PPP2R3A: variants seen among roughly 807,000 people sequenced by gnomAD.
PPP2R3A encodes protein phosphatase 2 regulatory subunit B''alpha, also known as serine/threonine-protein phosphatase 2A regulatory subunit B'' subunit alpha.
PPP2R3A carries 80 observed loss-of-function variants against 106.9 expected under a neutral mutation model. That is an observed-to-expected ratio of 0.75 (90% CI 0.62 to 0.90). The LOEUF is 0.90. Among genes scored for constraint, PPP2R3A ranks in the 40% least tolerant of loss-of-function variants. The pLI is 0.00. For missense variants in PPP2R3A, 1,386 were observed against 1,350.4 expected, an observed-to-expected ratio of 1.03 and a Z score of -0.41; for synonymous variants, 483 against 468.3, an observed-to-expected ratio of 1.03 and a Z score of -0.41.
chr3:135,991,443 T>C (rs1215101651), intron 1 of PPP2R3A, among the ~76,000 whole-genome samples: 1 of 152,140 alleles, frequency 6.6e-6, no homozygotes, highest in African/African-American at 2.4e-5. Flanking sequence ...TTTTGGAGTA[T>C]ATAATAAAGA....
At chr3:136,041,190 T>G (rs564083764) in intron 4 of PPP2R3A, among the ~76,000 whole-genome samples, 66 of 152,134 alleles carry the variant, frequency 4.3e-4, no homozygotes, top group Non-Finnish European at 2.4e-4. Context: ...GCAGAAATCT[T>G]TCTTTAAAAA....
chr3:136,088,095 AAAAT>A (rs1390339650), intron 9 of PPP2R3A, among the ~76,000 whole-genome samples, 164 bp downstream of exon 9: 3 of 152,224 alleles, frequency 2.0e-5, no homozygotes, highest in Admixed American at 6.5e-5. Context: ...CTTTTTTAAA[AAAAT>A]AATTTCAACT....
At chr3:136,126,073 C>G (rs563503253) in intron 13 of PPP2R3A, among the ~76,000 whole-genome samples, 1 of 152,286 alleles carries the variant, frequency 6.6e-6, no homozygotes, top group East Asian at 1.9e-4. Context: ...CCAGCATGAT[C>G]GATGCAGAAG....
At position 136,090,649 on chromosome 3, in the gene PPP2R3A, A is replaced by T. The variant is rs1937073352; in HGVS notation, c.2909A>T (p.Asp970Val). ...DFVWFLISEE[D>V]KRNPTSIEYW... ...GTTTGGTTTTTGATCTCTGAAGAAG[A>T]CAAAAGGAATCCTACCAGGTATGAT... The change falls in exon 10 of 14, where the codon GAC becomes GTC. Residue 970 changes from aspartate (D) to valine (V), a missense_variant. Transcript: ENST00000264977. The T allele has an allele frequency of 1.2e-6, 2 of 1,612,710 alleles. No individual in the cohort carries two copies. The highest frequency in any genetic ancestry group is 1.7e-5 in the Admixed American group (1 of 59,966).
intron 2 of PPP2R3A, among the ~76,000 whole-genome samples, chr3:136,011,970 A>G (rs1211017508): frequency 7.0e-6 from 1 of 143,346 alleles, no homozygotes; most frequent in Non-Finnish European, 1.5e-5. Flanking sequence ...TTACTGAGAA[A>G]TCATACACAC....
chr3:136,039,682 G>A (rs902751917), intron 3 of PPP2R3A, among the ~76,000 whole-genome samples: 1 of 152,152 alleles, frequency 6.6e-6, no homozygotes, highest in African/African-American at 2.4e-5. Context: ...CTGCTGTGTG[G>A]CCCAGTACCT....
chr3:135,979,973 G>A (rs559953714), intron 1 of PPP2R3A, among the ~76,000 whole-genome samples: 286 of 151,932 alleles, frequency 1.9e-3, no homozygotes, highest in Non-Finnish European at 2.8e-3. Context: ...CAGGGAACAC[G>A]TTAGTTCATT....
intron 10 of PPP2R3A, among the ~76,000 whole-genome samples, chr3:136,091,083 G>C (rs1470123195): frequency 6.6e-6 from 1 of 152,152 alleles, no homozygotes; most frequent in Non-Finnish European, 1.5e-5. Flanking sequence ...AATCATCTAT[G>C]CTTTTCCTTG....
intron 5 of PPP2R3A, 87 bp from the exon 6 acceptor site, chr3:136,070,391 C>A: frequency 2.0e-6 from 2 of 981,586 alleles, no homozygotes; most frequent in South Asian, 3.5e-5. Flanking sequence ...CAAGTTTGCT[C>A]AACTGGCAAC....
At chr3:136,115,887 T>A (rs1020491690) in intron 13 of PPP2R3A, among the ~76,000 whole-genome samples, 2 of 151,600 alleles carry the variant, frequency 1.3e-5, no homozygotes, top group African/African-American at 4.9e-5. Flanking sequence ...ATTCAGGAAA[T>A]ACAGAGAACA....
chr3:135,983,852 C>T (rs914847460), intron 1 of PPP2R3A, among the ~76,000 whole-genome samples: 2 of 152,156 alleles, frequency 1.3e-5, no homozygotes, highest in Admixed American at 1.3e-4. Context: ...AGTTTGACAA[C>T]AAACTTATAG....
At chr3:136,029,443 C>T (rs370764854) in intron 3 of PPP2R3A, among the ~76,000 whole-genome samples, 1 of 152,140 alleles carries the variant, frequency 6.6e-6, no homozygotes, top group Admixed American at 6.5e-5. Context: ...TCCACAGATT[C>T]AGTGAGAGGA....
At chr3:136,022,969 G>A (rs545105178) in intron 2 of PPP2R3A, 1 of 1,558,096 alleles carries the variant, frequency 6.4e-7, no homozygotes, top group Admixed American at 2.2e-5. Context: ...GAGATAAGAA[G>A]AAAAAATACC....
chr3:136,142,871 G>A (rs1002301839), intron 13 of PPP2R3A, among the ~76,000 whole-genome samples: 1 of 151,864 alleles, frequency 6.6e-6, no homozygotes, highest in Non-Finnish European at 1.5e-5. Context: ...AGGGCACCAA[G>A]GGGAAGATGC....
At chr3:136,041,111 T>A in intron 4 of PPP2R3A, 149 bp downstream of exon 4, 1 of 565,876 alleles carries the variant, frequency 1.8e-6, no homozygotes, top group Non-Finnish European at 3.0e-6. Context: ...TACAACCATT[T>A]ATACTCACAT....
At chr3:136,065,887 G>A (rs1936250809) in intron 5 of PPP2R3A, among the ~76,000 whole-genome samples, 1 of 152,106 alleles carries the variant, frequency 6.6e-6, no homozygotes, top group Admixed American at 6.5e-5. Context: ...TGTTGCCTAG[G>A]CTGGTCTTGA....
intron 7 of PPP2R3A, among the ~76,000 whole-genome samples, chr3:136,079,608 T>C (rs2107925798): frequency 6.6e-6 from 1 of 152,048 alleles, no homozygotes; most frequent in South Asian, 2.1e-4. Flanking sequence ...GGGATTTCAC[T>C]GTGTTGGCCA....
chr3:136,133,343 A>C (rs1186308429), intron 13 of PPP2R3A, among the ~76,000 whole-genome samples: 2 of 152,212 alleles, frequency 1.3e-5, no homozygotes, highest in African/African-American at 4.8e-5. Context: ...ATGTGAATAC[A>C]CACTAAAAAG....
At chr3:135,973,758 C>A (rs1576402723) in intron 1 of PPP2R3A, among the ~76,000 whole-genome samples, 1 of 152,310 alleles carries the variant, frequency 6.6e-6, no homozygotes. Flanking sequence ...GGCTAGTGAT[C>A]TCACTTAGTT....
Sources: allele counts gnomAD v4.1 joint callset (sites outside exome capture counted in the v4.1 genomes callset), GRCh38; gene constraint gnomAD v4.1.1; transcripts MANE v1.5; gene names NCBI Gene and HGNC (gene_info 2026-07-23, HGNC 2026-07-21).